The following FHIT variants were observed in gnomAD, a reference collection of about 807,000 sequenced individuals.
FHIT encodes fragile histidine triad diadenosine triphosphatase.
In FHIT, 19 loss-of-function variants were observed where a neutral mutation model predicts 17.9. The ratio of observed to expected loss-of-function variants is 1.06; its 90% confidence interval spans 0.74 to 1.56. FHIT has a LOEUF of 1.56. FHIT is among the 40% of genes most tolerant of loss of function. The pLI is 0.00. For missense variants in FHIT, 248 were observed against 189.2 expected (o/e 1.31, Z -1.82); for synonymous variants, 81 against 69.7 (o/e 1.16, Z -0.81).
rs115474903 is a variant in FHIT, at chr3:60,467,054, G to A, written c.103+69806C>T. Among the ~76,000 whole-genome samples, 265 of 151,834 alleles carry A rather than the reference G, an allele frequency of 1.7e-3. 1 individual carries two copies. The highest frequency in any genetic ancestry group is 6.0e-3 in the African/African-American group (248 of 41,466). ...ATTATGGCATTGATCTCATTACTTC[G>A]TCTGTTCAGGTTTTGCATTTCTTAG... On this transcript the variant is annotated intron_variant, in intron 5 of 9. Coordinates refer to ENST00000492590, the MANE Select transcript of FHIT (RefSeq NM_002012.4).
At chr3:59,759,890 G>A (rs1458573792) in intron 8 of FHIT, among the ~76,000 whole-genome samples, 5 of 152,142 alleles carry the variant, frequency 3.3e-5, no homozygotes, top group African/African-American at 1.2e-4. Flanking sequence ...TGATACCTTA[G>A]AACGCTGAAG....
chr3:61,191,115 T>G (rs977666572), intron 2 of FHIT, among the ~76,000 whole-genome samples: 4 of 152,108 alleles, frequency 2.6e-5, no homozygotes, highest in African/African-American at 9.7e-5. Flanking sequence ...GAAATTTTCC[T>G]GTTTCACCTC....
intron 2 of FHIT, among the ~76,000 whole-genome samples, chr3:61,063,025 C>A (rs1056684309): frequency 6.6e-6 from 1 of 151,758 alleles, no homozygotes; most frequent in Non-Finnish European, 1.5e-5. Context: ...GTTGGGAGTC[C>A]GAGGTGGGTG....
At chr3:60,135,207 T>C (rs1414248004) in intron 5 of FHIT, among the ~76,000 whole-genome samples, 1 of 152,142 alleles carries the variant, frequency 6.6e-6, no homozygotes, top group Non-Finnish European at 1.5e-5. Context: ...GCTTTTCTAT[T>C]ACCAGGGTCA....
At chr3:60,924,759 C>T (rs899333442) in intron 3 of FHIT, among the ~76,000 whole-genome samples, 7 of 151,968 alleles carry the variant, frequency 4.6e-5, no homozygotes, top group South Asian at 4.1e-4. Context: ...CAAACTACTC[C>T]GACCTAAAGG....
chr3:60,049,255 C>A (rs2106871622), intron 5 of FHIT, among the ~76,000 whole-genome samples: 1 of 152,252 alleles, frequency 6.6e-6, no homozygotes, highest in African/African-American at 2.4e-5. Flanking sequence ...TTGAAAACCA[C>A]CAGAATATGT....
At chr3:60,307,407 C>T (rs1708727428) in intron 5 of FHIT, among the ~76,000 whole-genome samples, 1 of 152,120 alleles carries the variant, frequency 6.6e-6, no homozygotes, top group Admixed American at 6.6e-5. Flanking sequence ...ATAATATCCA[C>T]ACAAGTCTTG....
intron 5 of FHIT, among the ~76,000 whole-genome samples, chr3:60,441,615 A>C (rs1371706151): frequency 6.7e-6 from 1 of 149,838 alleles, no homozygotes; most frequent in Non-Finnish European, 1.5e-5. Flanking sequence ...ACTGGTTAGT[A>C]AATTAGGCTA....
At chr3:60,536,834 T>A (rs370074235) in intron 5 of FHIT, 26 bp downstream of exon 5, 6 of 1,567,530 alleles carry the variant, frequency 3.8e-6, no homozygotes, top group African/African-American at 1.4e-5. Context: ...TTATTTTCCC[T>A]CTCCAAAAAA....
intron 5 of FHIT, among the ~76,000 whole-genome samples, chr3:60,182,290 C>A (rs1357594520): frequency 3.9e-5 from 6 of 152,170 alleles, no homozygotes; most frequent in East Asian, 3.8e-4. Flanking sequence ...ATCCTACAGG[C>A]CTCCTACCTC....
intron 5 of FHIT, among the ~76,000 whole-genome samples, chr3:60,057,403 G>A (rs1295762166): frequency 6.6e-6 from 1 of 152,124 alleles, no homozygotes; most frequent in Non-Finnish European, 1.5e-5. Flanking sequence ...TAGAGGCCCA[G>A]TTTAAAATGC....
chr3:60,121,100 A>G (rs1705225808), intron 5 of FHIT, among the ~76,000 whole-genome samples: 1 of 152,124 alleles, frequency 6.6e-6, no homozygotes, highest in South Asian at 2.1e-4. Context: ...TAAATCATTG[A>G]TCATGTCTTC....
intron 8 of FHIT, among the ~76,000 whole-genome samples, chr3:59,787,300 A>C (rs1242149936): frequency 1.3e-5 from 2 of 152,170 alleles, no homozygotes; most frequent in Admixed American, 1.3e-4. Flanking sequence ...AACTAAAGCC[A>C]GCATTTTTCT....
At chr3:59,984,307 G>A (rs1197071804) in intron 7 of FHIT, among the ~76,000 whole-genome samples, 1 of 152,008 alleles carries the variant, frequency 6.6e-6, no homozygotes, top group Non-Finnish European at 1.5e-5. Flanking sequence ...GGGGAGAAGT[G>A]GAAGTAAGAC....
chr3:60,615,837 AACT>A (rs2038934994), intron 4 of FHIT, among the ~76,000 whole-genome samples: 1 of 152,238 alleles, frequency 6.6e-6, no homozygotes, highest in Admixed American at 6.5e-5. Context: ...TGATGGCAAG[AACT>A]ACATTTCCCA....
intron 5 of FHIT, among the ~76,000 whole-genome samples, chr3:60,046,784 T>TA (rs1222353714): frequency 6.6e-6 from 1 of 152,176 alleles, no homozygotes; most frequent in Non-Finnish European, 1.5e-5. Context: ...TCTGGAGAAA[T>TA]ATGTAAAGAA....
chr3:61,149,824 G>A (rs1392078751), intron 2 of FHIT, among the ~76,000 whole-genome samples: 3 of 152,138 alleles, frequency 2.0e-5, no homozygotes, highest in Non-Finnish European at 4.4e-5. Flanking sequence ...AGGCTGCAAT[G>A]GGCCATGATT....
intron 5 of FHIT, among the ~76,000 whole-genome samples, chr3:60,246,541 G>T (rs1025077314): frequency 1.3e-5 from 2 of 152,066 alleles, no homozygotes; most frequent in Non-Finnish European, 2.9e-5. Flanking sequence ...GAGGCACAAG[G>T]TGAGTATTAG....
At chr3:60,955,985 G>A (rs1181276437) in intron 3 of FHIT, among the ~76,000 whole-genome samples, 2 of 152,040 alleles carry the variant, frequency 1.3e-5, no homozygotes, top group Non-Finnish European at 2.9e-5. Context: ...TCTCAATATG[G>A]CAATTCAAGA....
Sources: allele counts gnomAD v4.1 joint callset (sites outside exome capture counted in the v4.1 genomes callset), GRCh38; gene constraint gnomAD v4.1.1; transcripts MANE v1.5; gene names NCBI Gene and HGNC (gene_info 2026-07-23, HGNC 2026-07-21).